Variants in NCOA2 observed in about 807,000 individuals in gnomAD.
The protein encoded by NCOA2 is nuclear receptor coactivator 2, also known as class E basic helix-loop-helix protein 75.
A neutral mutation model predicts 145.1 loss-of-function variants in NCOA2; 21 were observed. The ratio of observed to expected loss-of-function variants is 0.14; its 90% CI spans 0.10 to 0.21. The LOEUF is 0.21. NCOA2 is among the 10% of genes least tolerant of loss of function. The probability of loss-of-function intolerance (pLI) is 1.00; values close to 1 mark genes in which losing one functional copy is unlikely to be tolerated. For missense variants in NCOA2, 1,472 were observed against 1,837.6 expected, an observed-to-expected ratio of 0.80 and a Z score of 3.64; for synonymous variants, 619 against 637.5, an observed-to-expected ratio of 0.97 and a Z score of 0.44.
At chr8:70,389,242 T>A (rs1163586567) in intron 1 of NCOA2, among the ~76,000 whole-genome samples, 1 of 152,184 alleles carries the variant, frequency 6.6e-6, no homozygotes, top group Non-Finnish European at 1.5e-5. Context: ...CCACTCAGTG[T>A]GCAACTCCAA....
At position 70,156,423 on chromosome 8, in the gene NCOA2, T is replaced by C; in HGVS notation, c.1942A>G (p.Lys648Glu). Residue 648 changes from lysine to glutamate, a missense_variant, in exon 11 of 23, where the codon AAA becomes GAA. Physicochemically the swap from Lys to Glu is moderately conservative, Grantham distance 56. Around this residue, in one of 4 missense-constraint regions of NCOA2, gnomAD observed 953 missense variants for 1,062.1 expected, o/e 0.90. Coordinates refer to ENST00000452400, the MANE Select transcript of NCOA2 (RefSeq NM_006540.4). ...QTKLLQLLTT[K>E]SDQMEPSPLA... ...GGCGAGGGCTCCATCTGATCAGATTTGGTGGTCAGCAGCTGCAGGAGTTTG... is the reference window on the plus strand; with the variant it reads ...GGCGAGGGCTCCATCTGATCAGATTCGGTGGTCAGCAGCTGCAGGAGTTTG... 6.2e-7 allele frequency: 1 copy of C among 1,613,958 alleles called. No homozygotes were observed. The highest frequency in any genetic ancestry group is 8.5e-7 in the Non-Finnish European group (1 of 1,179,876).
At chr8:70,345,150 T>C (rs988843786) in intron 1 of NCOA2, among the ~76,000 whole-genome samples, 2 of 152,216 alleles carry the variant, frequency 1.3e-5, no homozygotes, top group Non-Finnish European at 2.9e-5. Flanking sequence ...GCAATATGGT[T>C]ACTCCCCAGG....
chr8:70,154,414 A>C (rs1253590348), intron 11 of NCOA2, among the ~76,000 whole-genome samples: 1 of 152,120 alleles, frequency 6.6e-6, no homozygotes, highest in Non-Finnish European at 1.5e-5. Flanking sequence ...TTTTCTTTAA[A>C]TGGGTTTTAA....
chr8:70,335,153 A>AAAAAAAAAAG (rs1563776041), intron 1 of NCOA2, among the ~76,000 whole-genome samples: 1 of 131,638 alleles, frequency 7.6e-6, no homozygotes, highest in Non-Finnish European at 1.6e-5. Flanking sequence ...AAAAAAAAAA[A>AAAAAAAAAAG]GATCTCTCCC....
chr8:70,412,528 A>G, the NCOA2 span, among the ~76,000 whole-genome samples: 1 of 149,678 alleles, frequency 6.7e-6, no homozygotes, highest in East Asian at 2.0e-4. Context: ...TATTAAAAGT[A>G]GAATTTATAC....
intron 1 of NCOA2, among the ~76,000 whole-genome samples, chr8:70,303,575 G>A (rs937345698): frequency 1.3e-5 from 2 of 152,064 alleles, no homozygotes; most frequent in African/African-American, 2.4e-5. Context: ...ATTTGGATAC[G>A]GCATGTACAA....
intron 4 of NCOA2, among the ~76,000 whole-genome samples, chr8:70,187,235 A>G (rs1271347707): frequency 6.6e-6 from 1 of 152,240 alleles, no homozygotes; most frequent in Non-Finnish European, 1.5e-5. Context: ...CTGAGGTCAA[A>G]GTGACATTAA....
At chr8:70,312,884 CCTT>C (rs1338543149) in intron 1 of NCOA2, among the ~76,000 whole-genome samples, 1 of 151,732 alleles carries the variant, frequency 6.6e-6, no homozygotes, top group East Asian at 1.9e-4. Context: ...TAAAAGGTCT[CCTT>C]CTTAGCTAAA....
At chr8:70,207,899 GAAGAA>G (rs1333059535) in intron 4 of NCOA2, among the ~76,000 whole-genome samples, 2 of 133,486 alleles carry the variant, frequency 1.5e-5, no homozygotes, top group African/African-American at 5.7e-5. Context: ...AGAAGAAGAA[GAAGAA>G]AAGAAAAGCA....
chr8:70,400,392 T>C (rs1312970973), intron 1 of NCOA2, among the ~76,000 whole-genome samples: 2 of 152,130 alleles, frequency 1.3e-5, no homozygotes, highest in African/African-American at 2.4e-5. Context: ...GAGAGGTTTT[T>C]TTCCCCCCAA....
chr8:70,298,484 G>C (rs1337773742), intron 1 of NCOA2, among the ~76,000 whole-genome samples: 1 of 152,194 alleles, frequency 6.6e-6, no homozygotes, highest in East Asian at 1.9e-4. Context: ...TCAAGTGGCA[G>C]TCAGTGAATA....
chr8:70,347,999 TG>T (rs1209631933), intron 1 of NCOA2, among the ~76,000 whole-genome samples: 3 of 152,382 alleles, frequency 2.0e-5, no homozygotes, highest in Admixed American at 2.0e-4. Context: ...CAATATTTCT[TG>T]TCCATGCTAA....
intron 4 of NCOA2, among the ~76,000 whole-genome samples, chr8:70,185,151 G>A (rs1011757319): frequency 6.6e-6 from 1 of 152,058 alleles, no homozygotes; most frequent in African/African-American, 2.4e-5. Context: ...CCCCTACTGT[G>A]ATTCTAACAA....
At chr8:70,316,295 T>G (rs1425740803) in intron 1 of NCOA2, among the ~76,000 whole-genome samples, 3 of 152,212 alleles carry the variant, frequency 2.0e-5, no homozygotes, top group African/African-American at 7.2e-5. Flanking sequence ...GGGCTCAAAC[T>G]TGTTCAATGA....
chr8:70,197,205 G>A (rs1200531233), intron 4 of NCOA2, among the ~76,000 whole-genome samples: 3 of 152,062 alleles, frequency 2.0e-5, no homozygotes, highest in East Asian at 1.9e-4. Context: ...ATATACTCCC[G>A]GAGATCAAAA....
chr8:70,376,315 G>A (rs1483124691), intron 1 of NCOA2, among the ~76,000 whole-genome samples: 1 of 151,948 alleles, frequency 6.6e-6, no homozygotes, highest in Non-Finnish European at 1.5e-5. Context: ...TAACTTTCTT[G>A]AGTGCAACCA....
intron 9 of NCOA2, among the ~76,000 whole-genome samples, chr8:70,162,209 C>T (rs540029050): frequency 7.2e-5 from 11 of 152,288 alleles, no homozygotes; most frequent in Admixed American, 4.6e-4. Context: ...GGCTCAGTTC[C>T]AGCTGTCCTA....
intron 2 of NCOA2, among the ~76,000 whole-genome samples, chr8:70,257,797 T>C (rs1823762648): frequency 6.6e-6 from 1 of 151,980 alleles, no homozygotes; most frequent in African/African-American, 2.4e-5. Context: ...ACACTGGCAG[T>C]ATCTTGCTTC....
intron 2 of NCOA2, among the ~76,000 whole-genome samples, chr8:70,269,091 C>T (rs1824840843): frequency 6.6e-6 from 1 of 151,972 alleles, no homozygotes; most frequent in Admixed American, 6.6e-5. Flanking sequence ...ATATTTACTT[C>T]CAAGAATTTT....
Sources: gnomAD v4.1 joint callset for allele counts (sites outside exome capture counted in the v4.1 genomes callset) on GRCh38, gnomAD v4.1.1 for gene constraint, gnomAD v4.1.1 regional missense constraint, MANE v1.5 for transcripts, NCBI Gene and HGNC (gene_info 2026-07-23, HGNC 2026-07-21) for gene names.